The following RUNDC3A variants were observed in gnomAD, a reference collection of about 807,000 sequenced individuals.
RUNDC3A encodes RUN domain containing 3A, also known as RUN domain-containing protein 3A.
In RUNDC3A, 28 loss-of-function variants were observed where a neutral mutation model predicts 53.9. The observed-to-expected ratio is 0.52, with a 90% CI of 0.38 to 0.71. The LOEUF (loss-of-function observed/expected upper bound fraction) is 0.71, where lower values mean the gene tolerates loss of function less well. RUNDC3A is among the 30% of genes least tolerant of loss of function. RUNDC3A has a pLI of 0.00. For missense variants in RUNDC3A, 491 were observed against 597.3 expected (o/e 0.82, Z 1.85); for synonymous variants, 232 against 249.4 (o/e 0.93, Z 0.66).
In RUNDC3A at chr17:44,318,156, G is replaced by T. The variant is rs1189719822; in HGVS notation, c.1259G>T (p.Cys420Phe). 1 of 1,551,546 alleles carries T rather than the reference G, an allele frequency of 6.4e-7. No individual in the cohort carries two copies. Residue 420 changes from cysteine to phenylalanine, a missense_variant, in exon 11 of 11, where the codon TGC (cysteine) becomes TTC (phenylalanine). Physicochemically the swap from Cys to Phe is radical, Grantham distance 205. Around this residue, in one of 2 missense-constraint regions of RUNDC3A, gnomAD observed 218 missense variants for 208.2 expected, o/e 1.05. Transcript: ENST00000426726. ...GGCTCCCTGGCCTCCATTCCCAGCT[G>T]CAAGTCCCTGGCGAGCTTCAAATCC... ...LCGSLASIPS[C>F]KSLASFKSNE...
intron 8 of RUNDC3A, 138 bp from the exon 9 acceptor site, chr17:44,316,247 G>T (rs1365571732): frequency 8.3e-6 from 6 of 723,062 alleles, no homozygotes; most frequent in Non-Finnish European, 1.4e-5. Flanking sequence ...CCCGGGATCT[G>T]GCCCACTGAC....
Position 44,314,673 on chromosome 17 carries a change from CTGGG to C in RUNDC3A, c.459-61_459-58del. On this transcript the variant is annotated intron_variant, in intron 4 of 10. Transcript: ENST00000426726. Reference sequence around the variant, plus strand: ...TGGCAGTAAGCCAACAATAGCAGCTCTGGGGGGGGGGGGGGCGCTCCAGGGGCCT... The same window carrying C: ...TGGCAGTAAGCCAACAATAGCAGCTCGGGGGGGGGGGCGCTCCAGGGGCCT... The C allele has an allele frequency of 1.2e-4, 73 of 600,954 alleles. 1 individual carries two copies. Among genetic ancestry groups the C allele is most frequent in the East Asian group, 1.9e-4 (5 of 26,504 alleles). The allele number at this position is 600,954 out of a possible 1,614,324, so 37.2% of individuals were successfully genotyped here.
In RUNDC3A at chr17:44,315,878, C is replaced by T. The variant is rs1598330252; in HGVS notation, c.953+269C>T. ...CCGCTAGAGTGGCCATCCAACCTTA[C>T]TGCAGGGACCCCACGTCACTCACAA... On this transcript the variant is annotated intron_variant, in intron 8 of 10. Transcript: ENST00000426726. The surrounding 1 kb of genome is among the most constrained non-coding windows in gnomAD (Gnocchi z 6.1). Among the ~76,000 whole-genome samples the T allele has an allele frequency of 6.6e-6, 1 of 152,096 alleles. No individual in the cohort carries two copies. The highest frequency in any genetic ancestry group is 1.9e-4 in the East Asian group (1 of 5,186).
chr17:44,313,314 TG>T, intron 3 of RUNDC3A, 62 bp downstream of exon 3: 4 of 1,607,284 alleles, frequency 2.5e-6, no homozygotes, highest in Non-Finnish European at 3.4e-6. Flanking sequence ...GCCTGTTTCT[TG>T]GTTTTTGCCC....
intron 10 of RUNDC3A, chr17:44,317,200 GGCAGAACACAGCATAT>G (rs1187707164): frequency 3.6e-6 from 2 of 553,898 alleles, no homozygotes; most frequent in African/African-American, 1.9e-5. Context: ...ACTTTGAGGT[GGCAGAACACAGCATAT>G]GCAGAACCCA....
Position 44,312,686 on chromosome 17 carries a change from C to A in RUNDC3A, c.214C>A (p.Arg72Ser), listed in dbSNP as rs371736071. ...AAILEQILSHRFKACAPAGPV... is the reference protein window; with the variant it reads ...AAILEQILSHSFKACAPAGPV... ...CATTTTAGAGCAGATCCTCAGCCAC[C>A]GCTTCAAAGGTGGGCCCAGCGCCCC... The change falls in exon 2 of 11, where the codon CGC becomes AGC. Residue 72 changes from arginine (R) to serine (S), a missense_variant. Arg to Ser is a moderately radical substitution (Grantham distance 110, BLOSUM62 -1). Coordinates refer to ENST00000426726, the MANE Select transcript of RUNDC3A (RefSeq NM_001144825.2). The A allele has an allele frequency of 1.9e-6, 3 of 1,557,904 alleles. No homozygotes were observed. The highest frequency in any genetic ancestry group is 4.7e-5 in the East Asian group (2 of 42,290).
rs766087214 is a variant in RUNDC3A at position 44,316,587 on chromosome 17, C to T, written c.1092-32C>T. 3.2e-6 allele frequency: 5 copies of T among 1,565,140 alleles called. No individual in the cohort carries two copies. In the South Asian group the frequency reaches 4.7e-5, roughly 15 times the overall value. On this transcript the variant is annotated intron_variant, in intron 9 of 10. Coordinates refer to ENST00000426726, the MANE Select transcript of RUNDC3A (RefSeq NM_001144825.2). ...TCGTCCTGGGGAAGAAGGGCTTCCTCTACCGGCGCACCAGCTCTCGCTCTG... is the reference window on the plus strand; with the variant it reads ...TCGTCCTGGGGAAGAAGGGCTTCCTTTACCGGCGCACCAGCTCTCGCTCTG...
Position 44,318,215 on chromosome 17 carries a change from A to G in RUNDC3A, c.1318A>G (p.Ser440Gly). The G allele has an allele frequency of 1.3e-6, 2 of 1,551,086 alleles. No individual in the cohort carries two copies. Among genetic ancestry groups the G allele is most frequent in the Non-Finnish European group, 1.7e-6 (2 of 1,146,916 alleles). The change falls in exon 11 of 11, where the codon AGC (serine) becomes GGC (glycine). Residue 440 changes from serine to glycine, a missense_variant. By Grantham distance (56) the Ser-to-Gly change is moderately conservative (BLOSUM62 0). Coordinates refer to ENST00000426726, the MANE Select transcript of RUNDC3A (RefSeq NM_001144825.2). ...CCTGGTGAGCGACAGTCCCGAGGGC[A>G]GCCCAGCACTGAGCCCCAGCTGAGG... ...ECLVSDSPEGSPALSPS is the reference protein window; with the variant it reads ...ECLVSDSPEGGPALSPS
At chr17:44,316,762 G>C (rs1441084794) in intron 10 of RUNDC3A, 37 bp downstream of exon 10, 1 of 1,426,190 alleles carries the variant, frequency 7.0e-7, no homozygotes, top group East Asian at 2.5e-5. Context: ...TACCCCTCCA[G>C]AAAGGGCTGA....
Position 44,313,494 on chromosome 17 carries a change from G to A in RUNDC3A, c.449G>A (p.Arg150Gln), listed in dbSNP as rs1001578650. 4 of 1,608,836 alleles carry A rather than the reference G, an allele frequency of 2.5e-6. No homozygotes were observed. The highest frequency in any genetic ancestry group is 3.4e-6 in the Non-Finnish European group (4 of 1,175,790). The change falls in exon 4 of 11, where the codon CGG becomes CAG. Residue 150 changes from arginine (R) to glutamine (Q), a missense_variant. Arg to Gln is a conservative substitution (Grantham distance 43). Coordinates refer to ENST00000426726, the MANE Select transcript of RUNDC3A (RefSeq NM_001144825.2). ...EYITTALRDT[R>Q]TTRRFYDSGA... Reference sequence around the variant, plus strand: ...ATCACCACGGCTCTGCGTGACACCCGGACCACCAGGTCAGACTTCCCAGGC... The same window carrying A: ...ATCACCACGGCTCTGCGTGACACCCAGACCACCAGGTCAGACTTCCCAGGC...
intron 4 of RUNDC3A, 112 bp downstream of exon 4, chr17:44,313,615 C>T (rs1193435121): frequency 6.9e-7 from 1 of 1,442,308 alleles, no homozygotes; most frequent in Non-Finnish European, 9.1e-7. Flanking sequence ...ACTACAAGTC[C>T]CAGCACCAGC....
In RUNDC3A at chr17:44,312,583, C is replaced by T; in HGVS notation, c.111C>T (p.Phe37=). 1 of 1,562,852 alleles carries T rather than the reference C, an allele frequency of 6.4e-7. No individual in the cohort carries two copies. The highest frequency in any genetic ancestry group is 8.7e-7 in the Non-Finnish European group (1 of 1,152,416). Residue 37 remains phenylalanine, a synonymous_variant, in exon 2 of 11, where the codon TTC becomes TTT. Transcript: ENST00000426726. The part of the protein sequence containing the change: ...ERKNLITVCR[F]SVKTLLEKYT... ...ATCTCCCCACCTCGCCGCCCAGGTT[C>T]TCTGTGAAAACGCTGCTGGAGAAGT...
rs1234786308 is a variant in RUNDC3A, at chr17:44,315,518, C to A, written c.862C>A (p.Arg288=). 1.3e-6 allele frequency: 2 copies of A among 1,517,904 alleles called. No homozygotes were observed. Among genetic ancestry groups the A allele is most frequent in the Non-Finnish European group, 1.8e-6 (2 of 1,133,396 alleles). 94.0% of individuals were successfully genotyped at this position (1,517,904 alleles called of 1,614,324 possible). Residue 288 remains arginine, a synonymous_variant, in exon 8 of 11, where the codon CGG becomes AGG. Transcript: ENST00000426726. This position sits in a 1 kb window ranked among gnomAD's most constrained non-coding sequence, Gnocchi z 6.1. Reference sequence around the variant, plus strand: ...GAAGGACCTGGAGGCGGAGAACCGGCGGCTTCAGCTGCAGCTGGAGGAGGC... The same window carrying A: ...GAAGGACCTGGAGGCGGAGAACCGGAGGCTTCAGCTGCAGCTGGAGGAGGC... ...QLKDLEAENR[R]LQLQLEEAAA... is the part of the protein sequence containing the mutation.
chr17:44,316,094 A>C (rs11654436), intron 8 of RUNDC3A, among the ~76,000 whole-genome samples: 81,406 of 151,546 alleles, frequency 0.54, 24,086 homozygotes, highest in East Asian at 0.92. Context: ...ACGATCTTAC[A>C]CTTCAGGGAT....
intron 10 of RUNDC3A, chr17:44,316,984 A>G: frequency 2.1e-6 from 1 of 466,124 alleles, no homozygotes. Context: ...CACCACGCGC[A>G]GCTAATTTGT....
chr17:44,315,453 G>A lies in RUNDC3A; in HGVS notation c.797G>A (p.Gly266Asp), dbSNP rs1363494576. The change falls in exon 8 of 11, where the codon GGC becomes GAC. Residue 266 changes from glycine (G) to aspartate (D), a missense_variant and splice_region_variant. Gly to Asp is a moderately conservative substitution (Grantham distance 94). Transcript: ENST00000426726. This position sits in a 1 kb window ranked among gnomAD's most constrained non-coding sequence, Gnocchi z 6.1. ...QKFRIVYAQK[G>D]YLEELVRLRE... The stretch of plus-strand genomic sequence containing the variant: ...CCGGGCTGAGCCGGCGCCCCGCAGG[G>A]CTACCTGGAGGAGCTGGTGCGTCTG... The A allele has an allele frequency of 1.4e-6, 2 of 1,476,016 alleles. No individual in the cohort carries two copies. Among genetic ancestry groups the A allele is most frequent in the Non-Finnish European group, 9.0e-7 (1 of 1,113,804 alleles). The allele number at this position is 1,476,016 out of a possible 1,614,324, so 91.4% of individuals were successfully genotyped here.
chr17:44,312,969 C>A, intron 2 of RUNDC3A, 135 bp from the exon 3 acceptor site: 1 of 949,100 alleles, frequency 1.1e-6, no homozygotes, highest in Non-Finnish European at 1.6e-6. Context: ...CTGGGGTGCC[C>A]ACTGCACACG....
chr17:44,308,671 G>A lies in RUNDC3A; in HGVS notation c.-162G>A. 2.1e-6 allele frequency: 1 copy of A among 468,188 alleles called. No individual in the cohort carries two copies. The highest frequency in any genetic ancestry group is 3.9e-5 in the Admixed American group (1 of 25,712). 29.0% of individuals were successfully genotyped at this position (468,188 alleles called of 1,614,324 possible). On this transcript the variant is annotated 5_prime_UTR_variant, in exon 1 of 11. Coordinates refer to ENST00000426726, the MANE Select transcript of RUNDC3A (RefSeq NM_001144825.2). ...GCTCTGGCATCGCCGCCGGGGGAGG[G>A]AGCGAGGGGGCCGGGCACCGGGCGC...
chr17:44,315,143 C>G lies in RUNDC3A; in HGVS notation c.630-12C>G. 1 of 1,581,870 alleles carries G rather than the reference C, an allele frequency of 6.3e-7. No individual in the cohort carries two copies. Among genetic ancestry groups the G allele is most frequent in the East Asian group, 2.3e-5 (1 of 43,044 alleles). Reference sequence around the variant, plus strand: ...GGCGGGACCGGCCGTGCCCACTGCTCCCTCTCCCAAGCTACGACTACCTGA... The same window carrying G: ...GGCGGGACCGGCCGTGCCCACTGCTGCCTCTCCCAAGCTACGACTACCTGA... On this transcript the variant is annotated splice_polypyrimidine_tract_variant and intron_variant, in intron 6 of 10. Coordinates refer to ENST00000426726, the MANE Select transcript of RUNDC3A (RefSeq NM_001144825.2). This position sits in a 1 kb window ranked among gnomAD's most constrained non-coding sequence, Gnocchi z 6.1.
Sources: allele counts gnomAD v4.1 joint callset (sites outside exome capture counted in the v4.1 genomes callset), GRCh38; gene constraint gnomAD v4.1.1; regional missense constraint gnomAD v4.1.1; non-coding constraint Gnocchi (gnomAD v3.1); transcripts MANE v1.5; gene names NCBI Gene and HGNC (gene_info 2026-07-23, HGNC 2026-07-21).